The following DYNC2H1 variants were observed in gnomAD, a reference collection of about 807,000 sequenced individuals.
DYNC2H1 encodes the protein cytoplasmic dynein 2 heavy chain 1.
Under a neutral mutation model 570.0 loss-of-function variants are expected in DYNC2H1, and 410 were observed. That is an observed-to-expected ratio of 0.72 (90% CI 0.66 to 0.78). DYNC2H1 has a LOEUF of 0.78. DYNC2H1 is among the 30% of genes least tolerant of loss of function. The pLI is 0.00. For synonymous variants in DYNC2H1, 1,688 were observed against 1,677.6 expected (o/e 1.01, Z -0.15); for missense variants, 4,865 against 5,046.4 (o/e 0.96, Z 1.09).
At chr11:103,215,681 C>G (rs1016304120) in intron 54 of DYNC2H1, 40 bp from the exon 55 acceptor site, 1 of 1,507,264 alleles carries the variant, frequency 6.6e-7, no homozygotes, top group Non-Finnish European at 8.9e-7. Context: ...TGTAAAATTC[C>G]TTTTTTAAAA....
rs770883813 is a variant in DYNC2H1 at position 103,252,920 on chromosome 11, G to T, written c.10043-365G>T. ...CTAGTGCAATAAACACTTTTAAAAT[G>T]ATGAATTTAGAAGTAAAGAAAAAAT... On this transcript the variant is annotated intron_variant, in intron 65 of 88. Transcript: ENST00000375735. This position sits in a 1 kb window ranked among gnomAD's most constrained non-coding sequence, Gnocchi z 4.6. Among the ~76,000 whole-genome samples the T allele has an allele frequency of 6.6e-6, 1 of 152,028 alleles. No individual in the cohort carries two copies. The highest frequency in any genetic ancestry group is 1.5e-5 in the Non-Finnish European group (1 of 67,994).
At chr11:103,359,935 G>A (rs1940554591) in intron 83 of DYNC2H1, among the ~76,000 whole-genome samples, 1 of 151,934 alleles carries the variant, frequency 6.6e-6, no homozygotes, top group Non-Finnish European at 1.5e-5. Context: ...ATAGTGCTGG[G>A]ATTACAGGCG....
chr11:103,308,303 C>T (rs1867399843), intron 78 of DYNC2H1, among the ~76,000 whole-genome samples: 1 of 152,144 alleles, frequency 6.6e-6, no homozygotes, highest in Non-Finnish European at 1.5e-5. Context: ...ATAATGTCCT[C>T]AAGGTTCATC....
At chr11:103,216,971 T>G (rs1863409952) in intron 55 of DYNC2H1, among the ~76,000 whole-genome samples, 1 of 152,178 alleles carries the variant, frequency 6.6e-6, no homozygotes, top group South Asian at 2.1e-4. Context: ...TATATTATAC[T>G]GAGACTTTTG....
In DYNC2H1 at chr11:103,148,507, G is replaced by C. The variant is rs1424067060; in HGVS notation, c.2836G>C (p.Asp946His). The change falls in exon 20 of 89, where the codon GAT becomes CAT. Residue 946 changes from aspartate to histidine, a missense_variant. Transcript: ENST00000375735. ...CCACTCAGCTCATTTACATGAAATT[G>C]ATACATTTGTTACTGAGGCTATGGA... ...KSIQAHLHEIDTFVTEAMEVL... is the reference protein window; with the variant it reads ...KSIQAHLHEIHTFVTEAMEVL... The C allele has an allele frequency of 1.3e-6, 2 of 1,561,022 alleles. No homozygotes were observed. The highest frequency in any genetic ancestry group is 1.7e-6 in the Non-Finnish European group (2 of 1,151,418).
At chr11:103,197,744 G>A (rs1321158609) in intron 47 of DYNC2H1, among the ~76,000 whole-genome samples, 189 bp from the exon 48 acceptor site, 1 of 152,110 alleles carries the variant, frequency 6.6e-6, no homozygotes, top group East Asian at 1.9e-4. Context: ...CACCTTGCCT[G>A]GCTCAGTCAT....
In DYNC2H1 at chr11:103,174,072, A is replaced by C; in HGVS notation, c.5576A>C (p.Gln1859Pro). 2 of 1,586,604 alleles carry C rather than the reference A, an allele frequency of 1.3e-6. No individual in the cohort carries two copies. The highest frequency in any genetic ancestry group is 1.7e-6 in the Non-Finnish European group (2 of 1,164,902). The stretch of plus-strand genomic sequence containing the variant: ...TATTTCAGGGAACTTTTGACACCTC[A>C]GCAACATTATGATTGGGGTTTGAGA... ...FNLSRELLTP[Q>P]QHYDWGLRAL... The change falls in exon 36 of 89, where the codon CAG (glutamine) becomes CCG (proline). Residue 1859 changes from glutamine to proline, a missense_variant. Coordinates refer to ENST00000375735, the MANE Select transcript of DYNC2H1 (RefSeq NM_001377.3).
At position 103,191,583 on chromosome 11, in the gene DYNC2H1, T is replaced by C. The variant is rs1862313963; in HGVS notation, c.7504T>C (p.Trp2502Arg). Reference sequence around the variant, plus strand: ...CTTTACTCCTTGCATTCTTACCCAATGGGTTCTTGGCTTATTTAGATATGA... The same window carrying C: ...CTTTACTCCTTGCATTCTTACCCAACGGGTTCTTGGCTTATTTAGATATGA... ...YFFTPCILTQ[W>R]VLGLFRYDLE... Residue 2502 changes from tryptophan to arginine, a missense_variant, in exon 46 of 89, where the codon TGG (tryptophan) becomes CGG (arginine). Trp to Arg is a moderately radical substitution (Grantham distance 101). Coordinates refer to ENST00000375735, the MANE Select transcript of DYNC2H1 (RefSeq NM_001377.3). 6.2e-7 allele frequency: 1 copy of C among 1,610,266 alleles called. No individual in the cohort carries two copies. Among genetic ancestry groups the C allele is most frequent in the Non-Finnish European group, 8.5e-7 (1 of 1,178,122 alleles).
intron 82 of DYNC2H1, among the ~76,000 whole-genome samples, chr11:103,341,878 A>G (rs1017960767): frequency 2.0e-5 from 3 of 152,192 alleles, no homozygotes; most frequent in African/African-American, 4.8e-5. Flanking sequence ...AGGTTTCTTC[A>G]ATTATTTCAG....
rs112699699 is a variant in DYNC2H1, at chr11:103,458,737, T to A, written c.12648+2381T>A. Among the ~76,000 whole-genome samples, 762 of 152,226 alleles carry A rather than the reference T, an allele frequency of 5.0e-3. 1 individual carries two copies. The highest frequency in any genetic ancestry group is 0.01 in the Middle Eastern group (3 of 294). On this transcript the variant is annotated intron_variant, in intron 87 of 88. Coordinates refer to ENST00000375735, the MANE Select transcript of DYNC2H1 (RefSeq NM_001377.3). ...AACATTAACAAAAATAATTTAAAAG[T>A]CTGTGATGGAAACTTTTTCCCCAGC...
At chr11:103,248,401 A>G (rs182962588) in intron 65 of DYNC2H1, among the ~76,000 whole-genome samples, 81 of 152,210 alleles carry the variant, frequency 5.3e-4, no homozygotes, top group Non-Finnish European at 6.5e-4. Context: ...GTTTGGACCT[A>G]TAAAGGTGTC....
chr11:103,281,430 A>G (rs1285818952), intron 71 of DYNC2H1, among the ~76,000 whole-genome samples: 1 of 152,030 alleles, frequency 6.6e-6, no homozygotes, highest in Non-Finnish European at 1.5e-5. Flanking sequence ...CTTTTCTCTG[A>G]CTCACATAAT....
At chr11:103,147,275 T>A (rs1860286261) in intron 18 of DYNC2H1, among the ~76,000 whole-genome samples, 1 of 152,050 alleles carries the variant, frequency 6.6e-6, no homozygotes, top group Non-Finnish European at 1.5e-5. Flanking sequence ...TTCATTACAT[T>A]TTTTTTCAAT....
chr11:103,190,043 T>C (rs1862232362), intron 45 of DYNC2H1, among the ~76,000 whole-genome samples: 1 of 152,174 alleles, frequency 6.6e-6, no homozygotes, highest in South Asian at 2.1e-4. Context: ...AATGCATTTG[T>C]GGTAGATGGT....
chr11:103,141,848 T>C (rs976839473), intron 17 of DYNC2H1, among the ~76,000 whole-genome samples: 67 of 152,358 alleles, frequency 4.4e-4, no homozygotes, highest in Non-Finnish European at 8.2e-4. Flanking sequence ...CCTTGAGCTG[T>C]GGTGGGCTCC....
At position 103,304,719 on chromosome 11, in the gene DYNC2H1, A is replaced by T; in HGVS notation, c.11381A>T (p.Lys3794Met). 6.2e-7 allele frequency: 1 copy of T among 1,610,056 alleles called. No homozygotes were observed. The highest frequency in any genetic ancestry group is 8.5e-7 in the Non-Finnish European group (1 of 1,178,422). The change falls in exon 77 of 89, where the codon AAG becomes ATG. Residue 3794 changes from lysine (K) to methionine (M), a missense_variant and splice_region_variant. Transcript: ENST00000375735. ...LVVSWLPVLE[K>M]ELNTLQPKDT... ...GTATCTTGGCTGCCAGTTCTGGAAA[A>T]GGTAGATTCAGATAAATGTACAAAT...
At chr11:103,350,836 G>A (rs7941741) in intron 82 of DYNC2H1, among the ~76,000 whole-genome samples, 10,921 of 152,002 alleles carry the variant, frequency 0.072, 426 homozygotes, top group African/African-American at 0.082. Flanking sequence ...ATCAGGCCCC[G>A]AACCCCTATG....
chr11:103,453,728 G>C (rs574064173), intron 85 of DYNC2H1, among the ~76,000 whole-genome samples: 32 of 150,452 alleles, frequency 2.1e-4, no homozygotes, highest in African/African-American at 7.6e-4. Context: ...AGTATAGTTG[G>C]AAATACTTAT....
chr11:103,438,161 A>G (rs1944130265), intron 85 of DYNC2H1, among the ~76,000 whole-genome samples: 1 of 152,104 alleles, frequency 6.6e-6, no homozygotes, highest in Admixed American at 6.6e-5. Flanking sequence ...TATTTCTTCC[A>G]CAACCACTTG....
Sources: gnomAD v4.1 joint callset for allele counts (sites outside exome capture counted in the v4.1 genomes callset) on GRCh38, gnomAD v4.1.1 for gene constraint, Gnocchi (gnomAD v3.1) non-coding constraint, MANE v1.5 for transcripts, NCBI Gene and HGNC (gene_info 2026-07-23, HGNC 2026-07-21) for gene names.